The following IQGAP2 variants were observed in gnomAD, a reference collection of about 807,000 sequenced individuals.
The protein encoded by IQGAP2 is IQ motif containing GTPase activating protein 2.
In IQGAP2, 173 loss-of-function variants were observed where a neutral mutation model predicts 201.3. The ratio of observed to expected loss-of-function variants is 0.86; its 90% CI spans 0.76 to 0.98. The LOEUF (loss-of-function observed/expected upper bound fraction) is 0.98, where lower values mean the gene tolerates loss of function less well. Ranked by LOEUF, IQGAP2 falls within the 50% of genes least tolerant of loss-of-function variation. IQGAP2 has a pLI of 0.00. For synonymous variants in IQGAP2, 675 were observed against 673.9 expected (o/e 1.00, Z -0.03); for missense variants, 1,687 against 1,864.8 (o/e 0.90, Z 1.76).
chr5:76,657,779 T>C (rs920587835), intron 20 of IQGAP2, among the ~76,000 whole-genome samples: 5 of 152,216 alleles, frequency 3.3e-5, no homozygotes, highest in African/African-American at 1.2e-4. Context: ...CCTTTTAGAA[T>C]TTATGTGAGA....
At chr5:76,502,402 G>A (rs1391921572) in intron 2 of IQGAP2, among the ~76,000 whole-genome samples, 4 of 152,188 alleles carry the variant, frequency 2.6e-5, no homozygotes, top group South Asian at 2.1e-4. Context: ...TTGGGGATAG[G>A]AAAATTCCCT....
At position 76,670,656 on chromosome 5, in the gene IQGAP2, G is replaced by C. The variant is rs75010729; in HGVS notation, c.2844-1103G>C. 5.0e-3 allele frequency among the ~76,000 whole-genome samples: 767 copies of C among 152,266 alleles called. 9 individuals carry two copies. The highest frequency in any genetic ancestry group is 0.017 in the African/African-American group (709 of 41,558). ...GGATGTGGAAGAGGGAGAGAAAGTG[G>C]TCAAAAGAGAAAGGGGAGGAAGAGA... On this transcript the variant is annotated intron_variant, in intron 23 of 35. Transcript: ENST00000274364.
rs189355164 is a variant in IQGAP2 at position 76,608,667 on chromosome 5, G to A, written c.1358-2353G>A. On this transcript the variant is annotated intron_variant, in intron 12 of 35. Transcript: ENST00000274364. ...CAGCTAATGGAAAATGAGAAATATA[G>A]AAGGTGAATTTAATGGAGAAGCTAG... Among the ~76,000 whole-genome samples, 240 of 152,312 alleles carry A rather than the reference G, an allele frequency of 1.6e-3. 2 individuals are homozygous for A. Among genetic ancestry groups the A allele is most frequent in the African/African-American group, 5.4e-3 (223 of 41,576 alleles).
intron 3 of IQGAP2, among the ~76,000 whole-genome samples, chr5:76,564,581 G>T (rs963634765): frequency 5.3e-5 from 8 of 152,240 alleles, no homozygotes; most frequent in African/African-American, 1.9e-4. Flanking sequence ...CCTCATGGCA[G>T]TTGCCTCATG....
chr5:76,579,518 C>T (rs1268578370), intron 5 of IQGAP2, among the ~76,000 whole-genome samples: 3 of 151,842 alleles, frequency 2.0e-5, no homozygotes, highest in African/African-American at 7.3e-5. Context: ...CTGGTCCCCA[C>T]CCCTGCCCCC....
At chr5:76,695,059 C>T (rs1412050403) in intron 31 of IQGAP2, among the ~76,000 whole-genome samples, 1 of 152,172 alleles carries the variant, frequency 6.6e-6, no homozygotes, top group Non-Finnish European at 1.5e-5. Context: ...GAGAGTTTAG[C>T]TGGGTTCTGA....
chr5:76,608,534 T>C (rs2150335367), intron 12 of IQGAP2, among the ~76,000 whole-genome samples: 1 of 152,294 alleles, frequency 6.6e-6, no homozygotes, highest in South Asian at 2.1e-4. Context: ...GAGCTGAGAA[T>C]TTTTCATGGA....
intron 12 of IQGAP2, among the ~76,000 whole-genome samples, chr5:76,610,114 A>ATTT (rs34917876): frequency 1.0e-4 from 1 of 9,888 alleles, no homozygotes; most frequent in Non-Finnish European, 1.5e-4. Context: ...ATATATATAT[A>ATTT]TTTTTTTTTT....
At chr5:76,549,071 G>A (rs2150230305) in intron 2 of IQGAP2, among the ~76,000 whole-genome samples, 1 of 152,294 alleles carries the variant, frequency 6.6e-6, no homozygotes, top group East Asian at 1.9e-4. Flanking sequence ...TGTGAACAGT[G>A]AATCATATTG....
intron 13 of IQGAP2, among the ~76,000 whole-genome samples, chr5:76,626,705 A>T (rs1750270807): frequency 6.6e-6 from 1 of 152,158 alleles, no homozygotes; most frequent in Non-Finnish European, 1.5e-5. Flanking sequence ...CTCAAATTAA[A>T]AATATCCCAT....
In IQGAP2 at chr5:76,673,596, T is replaced by C; in HGVS notation, c.3209+7T>C. On this transcript the variant is annotated splice_region_variant and intron_variant, in intron 25 of 35. Coordinates refer to ENST00000274364, the MANE Select transcript of IQGAP2 (RefSeq NM_006633.5). ...CTTCCCTTGATCTACTGCCGTAAGT[T>C]GTACTTGCAGCAAGTTTAACATTCT... The C allele has an allele frequency of 1.2e-6, 2 of 1,612,862 alleles. No individual in the cohort carries two copies. Among genetic ancestry groups the C allele is most frequent in the Non-Finnish European group, 1.7e-6 (2 of 1,179,342 alleles).
chr5:76,687,939 C>G (rs1052715333), intron 30 of IQGAP2, among the ~76,000 whole-genome samples: 1 of 152,174 alleles, frequency 6.6e-6, no homozygotes, highest in Non-Finnish European at 1.5e-5. Flanking sequence ...AACCATCCCC[C>G]ACCCTGTCCA....
At chr5:76,434,756 T>C (rs1454803254) in intron 1 of IQGAP2, among the ~76,000 whole-genome samples, 1 of 152,184 alleles carries the variant, frequency 6.6e-6, no homozygotes, top group Non-Finnish European at 1.5e-5. Flanking sequence ...GTAGATCTAC[T>C]TTTAGTTCTT....
intron 1 of IQGAP2, among the ~76,000 whole-genome samples, chr5:76,417,255 T>A (rs1751460075): frequency 6.6e-6 from 1 of 152,132 alleles, no homozygotes; most frequent in Non-Finnish European, 1.5e-5. Flanking sequence ...TCAAAGGCAA[T>A]GCTACCTTAG....
chr5:76,511,693 T>TTA (rs1757974430), intron 2 of IQGAP2, among the ~76,000 whole-genome samples: 1 of 151,624 alleles, frequency 6.6e-6, no homozygotes, highest in African/African-American at 2.4e-5. Context: ...TTTGTTTTTT[T>TTA]TTTTTGAGAC....
At chr5:76,471,234 A>T (rs1247872857) in intron 2 of IQGAP2, among the ~76,000 whole-genome samples, 1 of 152,094 alleles carries the variant, frequency 6.6e-6, no homozygotes, top group African/African-American at 2.4e-5. Context: ...ATAGTTATGA[A>T]TGGGACTGCT....
At chr5:76,568,245 A>G (rs189954137) in intron 3 of IQGAP2, among the ~76,000 whole-genome samples, 4 of 152,358 alleles carry the variant, frequency 2.6e-5, no homozygotes, top group Admixed American at 2.6e-4. Context: ...CAGAAATATG[A>G]CCAAGATAAC....
chr5:76,696,867 ATT>A (rs1767376471), intron 32 of IQGAP2, among the ~76,000 whole-genome samples: 1 of 69,138 alleles, frequency 1.4e-5, no homozygotes, highest in Non-Finnish European at 3.5e-5. Flanking sequence ...TTAATGAAGA[ATT>A]CTATTTAATG....
rs747836740 is a variant in IQGAP2, at chr5:76,668,681, A to G, written c.2680A>G (p.Thr894Ala). ...TYQQLFYLLQTNPLYLAKLIF... is the reference protein window; with the variant it reads ...TYQQLFYLLQANPLYLAKLIF... ...TTTCTTTTTCCTTCTTTCCTTCTAG[A>G]CCAACCCTTTATACTTGGCTAAGCT... The change falls in exon 23 of 36, where the codon ACC (threonine) becomes GCC (alanine). Residue 894 changes from threonine to alanine, a missense_variant and splice_region_variant. Physicochemically the swap from Thr to Ala is moderately conservative, Grantham distance 58. Coordinates refer to ENST00000274364, the MANE Select transcript of IQGAP2 (RefSeq NM_006633.5). 1 of 1,606,162 alleles carries G rather than the reference A, an allele frequency of 6.2e-7. No individual in the cohort carries two copies. Among genetic ancestry groups the G allele is most frequent in the South Asian group, 1.1e-5 (1 of 88,362 alleles).
Sources: allele counts gnomAD v4.1 joint callset (sites outside exome capture counted in the v4.1 genomes callset), GRCh38; gene constraint gnomAD v4.1.1; transcripts MANE v1.5; gene names NCBI Gene and HGNC (gene_info 2026-07-23, HGNC 2026-07-21).